The following PEAK1 variants were observed in gnomAD, a reference collection of about 807,000 sequenced individuals.
The protein encoded by PEAK1 is inactive tyrosine-protein kinase PEAK1.
In PEAK1, 54 loss-of-function variants were observed where a neutral mutation model predicts 124.7. The ratio of observed to expected loss-of-function variants is 0.43; its 90% confidence interval spans 0.35 to 0.54. PEAK1 has a LOEUF of 0.54. PEAK1 is among the 20% of genes least tolerant of loss of function. The pLI is 0.01. For synonymous variants in PEAK1, 719 were observed against 760.0 expected (o/e 0.95, Z 0.89); for missense variants, 2,046 against 2,134.5 (o/e 0.96, Z 0.82).
At chr15:77,193,389 T>C (rs1156244884) in intron 6 of PEAK1, among the ~76,000 whole-genome samples, 1 of 152,230 alleles carries the variant, frequency 6.6e-6, no homozygotes, top group East Asian at 1.9e-4. Flanking sequence ...GCTCTACTTA[T>C]AATTTAATGA....
chr15:77,360,136 C>G (rs1462298556), intron 2 of PEAK1, among the ~76,000 whole-genome samples: 2 of 152,126 alleles, frequency 1.3e-5, no homozygotes, highest in Non-Finnish European at 2.9e-5. Flanking sequence ...AATTTGTTTT[C>G]TTTAAGGGTG....
chr15:77,394,706 A>C (rs779205231), intron 1 of PEAK1, among the ~76,000 whole-genome samples: 2 of 152,242 alleles, frequency 1.3e-5, no homozygotes, highest in Non-Finnish European at 2.9e-5. Context: ...AGATGACAAT[A>C]AATACCTAAC....
chr15:77,295,588 A>C (rs2063444650), intron 2 of PEAK1, among the ~76,000 whole-genome samples: 1 of 152,186 alleles, frequency 6.6e-6, no homozygotes, highest in South Asian at 2.1e-4. Context: ...CTTGATACTG[A>C]AAACTGATTC....
rs765469338 is a variant in PEAK1 at position 77,108,703 on chromosome 15, A to G, written c.*5453T>C. On this transcript the variant is annotated 3_prime_UTR_variant, in exon 10 of 10. Coordinates refer to ENST00000682557, the MANE Select transcript of PEAK1 (RefSeq NM_001385026.1). ...GGGCAAAGTGGGTTTTCTGTACTAC[A>G]ACAATATTCGTAGCAAAATATATGA... 5 of 152,218 alleles carry G rather than the reference A, an allele frequency of 3.3e-5. No homozygotes were observed. The highest frequency in any genetic ancestry group is 6.5e-5 in the Admixed American group (1 of 15,286). 9.4% of individuals were successfully genotyped at this position (152,218 alleles called of 1,614,324 possible).
intron 5 of PEAK1, among the ~76,000 whole-genome samples, chr15:77,271,002 A>T (rs994150003): frequency 6.6e-6 from 1 of 152,170 alleles, no homozygotes; most frequent in South Asian, 2.1e-4. Context: ...CAACCTACAG[A>T]ATGGGAGAAA....
intron 6 of PEAK1, among the ~76,000 whole-genome samples, chr15:77,211,545 T>C (rs1445209462): frequency 3.3e-5 from 5 of 152,072 alleles, no homozygotes; most frequent in African/African-American, 1.2e-4. Flanking sequence ...GCTATAATTA[T>C]TATTCAATAA....
intron 6 of PEAK1, among the ~76,000 whole-genome samples, chr15:77,188,368 A>G (rs771135596): frequency 1.8e-4 from 28 of 152,220 alleles, no homozygotes; most frequent in Non-Finnish European, 3.8e-4. Flanking sequence ...GCACCCCTGC[A>G]AAGCAGCACC....
chr15:77,171,084 TGC>T (rs1479357102), intron 7 of PEAK1, among the ~76,000 whole-genome samples: 1 of 151,996 alleles, frequency 6.6e-6, no homozygotes, highest in Non-Finnish European at 1.5e-5. Context: ...TCAATATTAG[TGC>T]CAGAAAATAT....
intron 2 of PEAK1, among the ~76,000 whole-genome samples, chr15:77,305,963 G>C (rs2064079795): frequency 6.6e-6 from 1 of 152,106 alleles, no homozygotes; most frequent in East Asian, 1.9e-4. Context: ...CTGACTATTA[G>C]GTTACTGCAG....
At chr15:77,347,663 AAAC>A (rs1444162821) in intron 2 of PEAK1, 22 of 976,002 alleles carry the variant, frequency 2.3e-5, no homozygotes, top group Non-Finnish European at 2.4e-5. Flanking sequence ...TAACAACATA[AAAC>A]AACACCCTCC....
At chr15:77,317,668 A>AG (rs1480325071) in intron 2 of PEAK1, among the ~76,000 whole-genome samples, 2 of 152,338 alleles carry the variant, frequency 1.3e-5, no homozygotes, top group South Asian at 4.1e-4. Context: ...TAGCCCTCAC[A>AG]GTTCAGCAAC....
chr15:77,278,179 G>T (rs984299982), intron 5 of PEAK1, among the ~76,000 whole-genome samples: 1 of 152,026 alleles, frequency 6.6e-6, no homozygotes, highest in Admixed American at 6.6e-5. Flanking sequence ...CTAAAAAAAT[G>T]AAGTCTTTTG....
chr15:77,419,979 G>T (rs936364501), intron 1 of PEAK1, 27 bp downstream of exon 1: 2 of 149,172 alleles, frequency 1.3e-5, no homozygotes, highest in African/African-American at 2.4e-5. Flanking sequence ...ACAACCGAGC[G>T]GACGCGGACA....
intron 5 of PEAK1, among the ~76,000 whole-genome samples, chr15:77,253,418 A>C (rs1368087041): frequency 6.6e-6 from 1 of 152,216 alleles, no homozygotes; most frequent in African/African-American, 2.4e-5. Context: ...GCTTTCTTTT[A>C]AAGAAAGTGA....
intron 2 of PEAK1, among the ~76,000 whole-genome samples, chr15:77,291,591 T>C (rs1462909138): frequency 6.6e-6 from 1 of 152,158 alleles, no homozygotes; most frequent in Non-Finnish European, 1.5e-5. Flanking sequence ...TTCCATTTTA[T>C]GAAAAACCTT....
At chr15:77,129,610 T>C (rs2052680243) in intron 9 of PEAK1, among the ~76,000 whole-genome samples, 1 of 151,162 alleles carries the variant, frequency 6.6e-6, no homozygotes, top group Non-Finnish European at 1.5e-5. Context: ...TATTTTTTTT[T>C]TTTTTTTGTA....
intron 1 of PEAK1, among the ~76,000 whole-genome samples, chr15:77,366,428 C>T (rs1222414917): frequency 6.6e-6 from 1 of 152,062 alleles, no homozygotes; most frequent in Non-Finnish European, 1.5e-5. Context: ...GTTACTACAG[C>T]ACAATCTAGG....
At chr15:77,226,048 T>TATATAATAA (rs1222102808) in intron 6 of PEAK1, among the ~76,000 whole-genome samples, 1 of 45,012 alleles carries the variant, frequency 2.2e-5, no homozygotes, top group Non-Finnish European at 4.6e-5. Context: ...TAAAGGGATA[T>TATATAATAA]ATATATATAT....
In PEAK1 at chr15:77,252,411, T is replaced by C. The variant is rs769915878; in HGVS notation, c.-159A>G. ...TCATTCATTCTGGTGACAAAGGTGGTTTTAGCAGCTAGCAAAACATTCCTT... is the reference window on the plus strand; with the variant it reads ...TCATTCATTCTGGTGACAAAGGTGGCTTTAGCAGCTAGCAAAACATTCCTT... On this transcript the variant is annotated 5_prime_UTR_variant, in exon 6 of 10. Coordinates refer to ENST00000682557, the MANE Select transcript of PEAK1 (RefSeq NM_001385026.1). 561 of 985,238 alleles carry C rather than the reference T, an allele frequency of 5.7e-4. 2 individuals are homozygous for C. Among genetic ancestry groups the C allele is most frequent in the Non-Finnish European group, 6.3e-4 (522 of 829,880 alleles). 61.0% of individuals were successfully genotyped at this position (985,238 alleles called of 1,614,324 possible).
Sources: gnomAD v4.1 joint callset for allele counts (sites outside exome capture counted in the v4.1 genomes callset) on GRCh38, gnomAD v4.1.1 for gene constraint, MANE v1.5 for transcripts, NCBI Gene and HGNC (gene_info 2026-07-23, HGNC 2026-07-21) for gene names.